Variants in ITGA9 observed in about 807,000 individuals in gnomAD.
ITGA9 encodes the protein integrin subunit alpha 9.
ITGA9 carries 56 observed loss-of-function variants against 127.8 expected under a neutral mutation model. That is an observed-to-expected ratio of 0.44 (90% CI 0.35 to 0.55). The LOEUF (loss-of-function observed/expected upper bound fraction) is 0.55. Among genes scored for constraint, ITGA9 ranks in the 20% least tolerant of loss-of-function variants. The pLI is 0.00. For synonymous variants in ITGA9, 508 were observed against 514.5 expected (o/e 0.99, Z 0.17); for missense variants, 1,196 against 1,347.1 (o/e 0.89, Z 1.76).
intron 27 of ITGA9, among the ~76,000 whole-genome samples, chr3:37,813,534 C>T (rs1327027554): frequency 6.6e-6 from 1 of 152,202 alleles, no homozygotes; most frequent in Non-Finnish European, 1.5e-5. Flanking sequence ...CTAGGAAGAC[C>T]TGTTCTTTAT....
intron 1 of ITGA9, among the ~76,000 whole-genome samples, chr3:37,466,937 C>A (rs1332242545): frequency 1.3e-5 from 2 of 152,182 alleles, no homozygotes; most frequent in Non-Finnish European, 2.9e-5. Flanking sequence ...GCTAGGATGT[C>A]TTTTTATAAC....
chr3:37,732,782 T>C lies in ITGA9; in HGVS notation c.2138T>C (p.Met713Thr). 1 of 1,610,186 alleles carries C rather than the reference T, an allele frequency of 6.2e-7. No homozygotes were observed. Among genetic ancestry groups the C allele is most frequent in the Non-Finnish European group, 8.5e-7 (1 of 1,178,614 alleles). Residue 713 changes from methionine to threonine, a missense_variant, in exon 19 of 28, where the codon ATG (methionine) becomes ACG (threonine). Coordinates refer to ENST00000264741, the MANE Select transcript of ITGA9 (RefSeq NM_002207.3). ...AAATGCAGCGTGGGATTTCCTTTCATGAGGTCAAAGTCAAAGGTAAGGGAC... is the reference window on the plus strand; with the variant it reads ...AAATGCAGCGTGGGATTTCCTTTCACGAGGTCAAAGTCAAAGGTAAGGGAC... ...FLKCSVGFPF[M>T]RSKSKYEFSV...
intron 5 of ITGA9, 88 bp downstream of exon 5, chr3:37,494,656 C>A: frequency 1.9e-6 from 2 of 1,034,810 alleles, no homozygotes; most frequent in Non-Finnish European, 3.0e-6. Context: ...AGAGGTGGGA[C>A]TTCTGGAGTC....
chr3:37,789,894 C>T (rs1277976620), intron 26 of ITGA9: 3 of 609,950 alleles, frequency 4.9e-6, no homozygotes, highest in South Asian at 1.6e-5. Context: ...GAGGAGTACA[C>T]ATAGGAAATT....
At chr3:37,622,137 CT>C (rs5848098) in intron 15 of ITGA9, among the ~76,000 whole-genome samples, 49 of 139,798 alleles carry the variant, frequency 3.5e-4, no homozygotes, top group East Asian at 8.2e-4. Flanking sequence ...TGTTTGTTTA[CT>C]TTTTTTTTTT....
At chr3:37,716,304 C>T (rs1156409170) in intron 18 of ITGA9, among the ~76,000 whole-genome samples, 1 of 151,978 alleles carries the variant, frequency 6.6e-6, no homozygotes, top group Non-Finnish European at 1.5e-5. Context: ...ACATCCCGCC[C>T]ATACTCTGCT....
chr3:37,640,594 G>C (rs1469781065), intron 16 of ITGA9, among the ~76,000 whole-genome samples: 2 of 152,170 alleles, frequency 1.3e-5, no homozygotes, highest in Non-Finnish European at 2.9e-5. Context: ...ACCGACCTCT[G>C]ACTTACAGAA....
At chr3:37,782,720 G>A (rs964715971) in intron 25 of ITGA9, among the ~76,000 whole-genome samples, 1 of 152,250 alleles carries the variant, frequency 6.6e-6, no homozygotes, top group South Asian at 2.1e-4. Context: ...CTTGTGGTTT[G>A]CCTGGGCCTG....
At chr3:37,601,044 G>A (rs1290664721) in intron 15 of ITGA9, among the ~76,000 whole-genome samples, 5 of 152,244 alleles carry the variant, frequency 3.3e-5, no homozygotes, top group African/African-American at 1.2e-4. Context: ...GACTTAGGGT[G>A]TGGCTTTCCC....
At chr3:37,498,788 C>T (rs1698759614) in intron 5 of ITGA9, among the ~76,000 whole-genome samples, 1 of 152,194 alleles carries the variant, frequency 6.6e-6, no homozygotes. Context: ...CTTCAGTTCC[C>T]AGGCTTTTGG....
At chr3:37,562,683 T>C (rs1333542012) in intron 15 of ITGA9, among the ~76,000 whole-genome samples, 3 of 152,188 alleles carry the variant, frequency 2.0e-5, no homozygotes, top group Non-Finnish European at 2.9e-5. Context: ...GGCAGTTATA[T>C]ATTGGTCTGG....
At chr3:37,785,126 T>C in intron 26 of ITGA9, 48 bp downstream of exon 26, 1 of 1,311,806 alleles carries the variant, frequency 7.6e-7, no homozygotes. Context: ...CAAGGGAAGC[T>C]GGGTGACTTG....
intron 15 of ITGA9, among the ~76,000 whole-genome samples, chr3:37,577,758 G>A (rs895304661): frequency 2.6e-5 from 4 of 152,178 alleles, no homozygotes; most frequent in Non-Finnish European, 4.4e-5. Flanking sequence ...ACTTCTTCCC[G>A]TGTGATGATG....
intron 15 of ITGA9, among the ~76,000 whole-genome samples, chr3:37,614,446 G>A (rs1256423548): frequency 7.2e-5 from 11 of 152,026 alleles, no homozygotes; most frequent in South Asian, 2.1e-4. Context: ...TTGGCGATGC[G>A]GGCTCTTTTT....
chr3:37,699,487 C>T (rs1700923168), intron 18 of ITGA9, among the ~76,000 whole-genome samples: 1 of 152,192 alleles, frequency 6.6e-6, no homozygotes, highest in African/African-American at 2.4e-5. Flanking sequence ...ATAATCCAGC[C>T]AGTTCTCACC....
chr3:37,769,620 C>T (rs757565526), intron 23 of ITGA9, among the ~76,000 whole-genome samples: 1 of 152,176 alleles, frequency 6.6e-6, no homozygotes, highest in Non-Finnish European at 1.5e-5. Flanking sequence ...GTGTTGAACT[C>T]CTTGGCTCTC....
intron 17 of ITGA9, among the ~76,000 whole-genome samples, chr3:37,676,679 A>G (rs1700685486): frequency 6.6e-6 from 1 of 152,218 alleles, no homozygotes; most frequent in Non-Finnish European, 1.5e-5. Context: ...ATTACTTGCA[A>G]TAATGTATCT....
At chr3:37,575,261 C>T (rs1427188070) in intron 15 of ITGA9, among the ~76,000 whole-genome samples, 1 of 152,064 alleles carries the variant, frequency 6.6e-6, no homozygotes, top group Non-Finnish European at 1.5e-5. Flanking sequence ...TGCAGAGTGC[C>T]GCAAGGAGGA....
intron 15 of ITGA9, among the ~76,000 whole-genome samples, chr3:37,604,698 G>A (rs1319020894): frequency 1.3e-5 from 2 of 152,164 alleles, no homozygotes; most frequent in Admixed American, 1.3e-4. Flanking sequence ...GGAACCCAAA[G>A]GATGTAGTTT....
Sources: gnomAD v4.1 joint callset for allele counts (sites outside exome capture counted in the v4.1 genomes callset) on GRCh38, gnomAD v4.1.1 for gene constraint, MANE v1.5 for transcripts, NCBI Gene and HGNC (gene_info 2026-07-23, HGNC 2026-07-21) for gene names.